The following ATP8B4 variants were observed in gnomAD, a reference collection of about 807,000 sequenced individuals.
ATP8B4 encodes probable phospholipid-transporting ATPase IM.
A neutral mutation model predicts 145.6 loss-of-function variants in ATP8B4; 133 were observed. The ratio of observed to expected loss-of-function variants is 0.91; its 90% CI spans 0.79 to 1.05. The LOEUF is 1.05. ATP8B4 is among the 50% of genes least tolerant of loss of function. The pLI is 0.00. For missense variants in ATP8B4, 1,458 were observed against 1,425.2 expected (o/e 1.02, Z -0.37); for synonymous variants, 507 against 492.9 (o/e 1.03, Z -0.38).
chr15:49,882,128 T>C (rs1281523085), intron 23 of ATP8B4, among the ~76,000 whole-genome samples: 1 of 152,046 alleles, frequency 6.6e-6, no homozygotes, highest in Non-Finnish European at 1.5e-5. Flanking sequence ...CTACCCTCGA[T>C]AGGCACTGAA....
chr15:49,935,189 GAATAA>G (rs1454945824), intron 14 of ATP8B4, among the ~76,000 whole-genome samples: 2 of 151,810 alleles, frequency 1.3e-5, no homozygotes, highest in Non-Finnish European at 2.9e-5. Flanking sequence ...TAATAATACT[GAATAA>G]AATAAGAAAT....
intron 6 of ATP8B4, among the ~76,000 whole-genome samples, chr15:50,020,053 G>A (rs1349739448): frequency 1.3e-5 from 2 of 151,834 alleles, no homozygotes; most frequent in South Asian, 2.1e-4. Flanking sequence ...GAATTTCCAG[G>A]CATCAATCCT....
At chr15:49,916,790 T>A (rs2039781609) in intron 20 of ATP8B4, 144 bp downstream of exon 20, 3 of 649,198 alleles carry the variant, frequency 4.6e-6, no homozygotes. Flanking sequence ...TGAAAGGAAG[T>A]TTAGGAAACA....
intron 6 of ATP8B4, among the ~76,000 whole-genome samples, chr15:50,024,328 AT>A (rs559268977): frequency 3.9e-4 from 59 of 152,092 alleles, no homozygotes; most frequent in African/African-American, 1.3e-3. Context: ...AGAGCTTTAA[AT>A]TTTTTTTCAC....
intron 6 of ATP8B4, among the ~76,000 whole-genome samples, chr15:50,033,603 C>T (rs112377465): frequency 0.014 from 2,064 of 152,208 alleles, 26 homozygotes; most frequent in Non-Finnish European, 0.022. Flanking sequence ...TGTGCAGGAT[C>T]GTTACATGGG....
intron 2 of ATP8B4, among the ~76,000 whole-genome samples, chr15:50,088,244 G>A (rs996803615): frequency 1.3e-5 from 2 of 152,082 alleles, no homozygotes; most frequent in East Asian, 1.9e-4. Context: ...TTAGCTGGGC[G>A]TGGTGGCAGG....
intron 2 of ATP8B4, among the ~76,000 whole-genome samples, chr15:50,086,820 TA>T (rs1362553086): frequency 2.8e-5 from 2 of 70,450 alleles, no homozygotes; most frequent in Non-Finnish European, 4.7e-5. Flanking sequence ...TTATATATAA[TA>T]AAATAATAGA....
chr15:49,948,769 G>C (rs148200715), intron 14 of ATP8B4, among the ~76,000 whole-genome samples: 13 of 152,300 alleles, frequency 8.5e-5, no homozygotes, highest in African/African-American at 2.9e-4. Context: ...TCTGATGATA[G>C]TTTCTTTTGC....
chr15:49,869,885 G>A (rs1026130281), intron 25 of ATP8B4, among the ~76,000 whole-genome samples: 5 of 152,024 alleles, frequency 3.3e-5, no homozygotes, highest in African/African-American at 9.7e-5. Context: ...TTTTGAGAAC[G>A]TATTATGGCA....
chr15:49,992,068 T>G (rs2047085020), intron 9 of ATP8B4, among the ~76,000 whole-genome samples: 1 of 152,158 alleles, frequency 6.6e-6, no homozygotes, highest in Non-Finnish European at 1.5e-5. Flanking sequence ...GCTTCTCCAC[T>G]TAACAGCCAT....
At chr15:50,176,042 A>G (rs542149224) in intron 1 of ATP8B4, among the ~76,000 whole-genome samples, 1 of 150,748 alleles carries the variant, frequency 6.6e-6, no homozygotes, top group Non-Finnish European at 1.5e-5. Context: ...GTATAGAGAG[A>G]GTGTATATAT....
At chr15:49,909,411 T>C (rs1008282332) in intron 20 of ATP8B4, among the ~76,000 whole-genome samples, 3 of 152,184 alleles carry the variant, frequency 2.0e-5, no homozygotes, top group African/African-American at 7.2e-5. Context: ...GTCCAACCAC[T>C]GCTACTGCCA....
At chr15:49,976,286 T>C (rs2045655745) in intron 12 of ATP8B4, among the ~76,000 whole-genome samples, 1 of 135,594 alleles carries the variant, frequency 7.4e-6, no homozygotes, top group Admixed American at 7.6e-5. Flanking sequence ...CCTTGCTAGC[T>C]GGTCTGATTC....
chr15:50,148,641 G>A (rs2044308332), intron 1 of ATP8B4, among the ~76,000 whole-genome samples: 3 of 152,084 alleles, frequency 2.0e-5, no homozygotes, highest in Non-Finnish European at 2.9e-5. Flanking sequence ...GGACTTTCTA[G>A]CCTCCAAAAC....
At chr15:50,049,932 T>A (rs1009912382) in intron 3 of ATP8B4, among the ~76,000 whole-genome samples, 6 of 152,224 alleles carry the variant, frequency 3.9e-5, no homozygotes, top group African/African-American at 1.4e-4. Context: ...TTTTTTCATA[T>A]ATTTGTTGGT....
chr15:50,174,105 T>A (rs2044728222), intron 1 of ATP8B4, among the ~76,000 whole-genome samples: 1 of 152,132 alleles, frequency 6.6e-6, no homozygotes, highest in African/African-American at 2.4e-5. Context: ...TCTTTATGAT[T>A]AAAACTTTCA....
At chr15:50,009,284 T>C (rs72734856) in intron 7 of ATP8B4, 12,512 of 152,836 alleles carry the variant, frequency 0.082, 708 homozygotes, top group East Asian at 0.29. Flanking sequence ...TTTTTTCCTG[T>C]CTTCTTTCTT....
intron 3 of ATP8B4, among the ~76,000 whole-genome samples, chr15:50,059,073 G>A (rs774499420): frequency 6.6e-6 from 1 of 152,148 alleles, no homozygotes; most frequent in Non-Finnish European, 1.5e-5. Context: ...ACGGGTTTGA[G>A]GAATTTTCAC....
At chr15:50,080,197 C>T (rs2054454349) in intron 2 of ATP8B4, among the ~76,000 whole-genome samples, 1 of 152,170 alleles carries the variant, frequency 6.6e-6, no homozygotes, top group Non-Finnish European at 1.5e-5. Context: ...CCTTCCTCAA[C>T]CAAATAGGAT....
Sources: gnomAD v4.1 joint callset for allele counts (sites outside exome capture counted in the v4.1 genomes callset) on GRCh38, gnomAD v4.1.1 for gene constraint, MANE v1.5 for transcripts, NCBI Gene and HGNC (gene_info 2026-07-23, HGNC 2026-07-21) for gene names.